The following RTN4R variants were observed in gnomAD, a reference collection of about 807,000 sequenced individuals.
RTN4R encodes the protein reticulon-4 receptor.
A neutral mutation model predicts 27.7 loss-of-function variants in RTN4R; 4 were observed. That is an observed-to-expected ratio of 0.14 (90% CI 0.07 to 0.33). The LOEUF (loss-of-function observed/expected upper bound fraction) is 0.33, where lower values mean the gene tolerates loss of function less well. RTN4R is among the 10% of genes least tolerant of loss of function. The probability of loss-of-function intolerance (pLI) is 1.00; values close to 1 mark genes in which losing one functional copy is unlikely to be tolerated. For synonymous variants in RTN4R, 290 were observed against 305.6 expected (o/e 0.95, Z 0.53); for missense variants, 554 against 671.5 (o/e 0.83, Z 1.93).
intron 1 of RTN4R, among the ~76,000 whole-genome samples, chr22:20,254,090 G>A (rs779042602): frequency 1.3e-5 from 2 of 152,042 alleles, no homozygotes; most frequent in Non-Finnish European, 2.9e-5. Context: ...GGCCCCCAGG[G>A]GTCAAGGGAA....
Position 20,242,355 on chromosome 22 carries a change from T to C in RTN4R, c.778A>G (p.Asn260Asp). ...GCCCGGCAGTCACACACCCAGGGGTTGTCGTTGAGCCTCAGGTACTGCAGG... is the reference window on the plus strand; with the variant it reads ...GCCCGGCAGTCACACACCCAGGGGTCGTCGTTGAGCCTCAGGTACTGCAGG... ...RALQYLRLND[N>D]PWVCDCRARP... Residue 260 changes from asparagine to aspartate, a missense_variant, in exon 2 of 2, where the codon AAC becomes GAC. By Grantham distance (23) the Asn-to-Asp change is conservative (BLOSUM62 1). Transcript: ENST00000043402. The C allele has an allele frequency of 6.2e-7, 1 of 1,612,584 alleles. No homozygotes were observed. Among genetic ancestry groups the C allele is most frequent in the African/African-American group, 1.3e-5 (1 of 75,030 alleles).
chr22:20,254,808 A>G lies in RTN4R; in HGVS notation c.23-11698T>C, dbSNP rs758325376. Among the ~76,000 whole-genome samples, 23 of 152,254 alleles carry G rather than the reference A, an allele frequency of 1.5e-4. 1 individual carries two copies. Among genetic ancestry groups the G allele is most frequent in the East Asian group, 3.9e-4 (2 of 5,184 alleles). On this transcript the variant is annotated intron_variant, in intron 1 of 1. Transcript: ENST00000043402. ...ATCCAGGGAAAAAAATGAGACCCCA[A>G]TAGAAGCCCTGATGTGGGGAAGAGT...
chr22:20,267,241 C>T (rs1486005251), intron 1 of RTN4R, among the ~76,000 whole-genome samples: 13 of 152,240 alleles, frequency 8.5e-5, no homozygotes, highest in Admixed American at 8.5e-4. Context: ...GACAAGTGCA[C>T]GTGCAAGGAA....
At chr22:20,263,689 C>T (rs574115563) in intron 1 of RTN4R, among the ~76,000 whole-genome samples, 1 of 152,368 alleles carries the variant, frequency 6.6e-6, no homozygotes, top group Non-Finnish European at 1.5e-5. Flanking sequence ...CTGTGTAGAC[C>T]TACATGGGGA....
chr22:20,259,547 GC>G (rs1379053736), intron 1 of RTN4R, among the ~76,000 whole-genome samples: 2 of 152,100 alleles, frequency 1.3e-5, no homozygotes, highest in Non-Finnish European at 2.9e-5. Context: ...CGCAGCCTCT[GC>G]CCCTCCCTCC....
In RTN4R at chr22:20,268,150, T is replaced by G; in HGVS notation, c.-58A>C. 1 of 961,032 alleles carries G rather than the reference T, an allele frequency of 1.0e-6. No homozygotes were observed. The highest frequency in any genetic ancestry group is 1.3e-6 in the Non-Finnish European group (1 of 787,954). The allele number at this position is 961,032 out of a possible 1,614,324, so 59.5% of individuals were successfully genotyped here. A position where few individuals can be genotyped will look rare whatever the true frequency, so the allele number is the denominator to read the frequency against. ...AAAGTCGTTTCGGGGCGGGCGCCCG[T>G]CTCCCCGCGGCCGGGTCCGCATCCA... On this transcript the variant is annotated 5_prime_UTR_variant, in exon 1 of 2. Coordinates refer to ENST00000043402, the MANE Select transcript of RTN4R (RefSeq NM_023004.6).
chr22:20,259,195 A>G (rs2051230128), intron 1 of RTN4R, among the ~76,000 whole-genome samples: 2 of 152,142 alleles, frequency 1.3e-5, no homozygotes. Flanking sequence ...ACCCCAGGGG[A>G]CCGGCCTCCG....
At chr22:20,267,687 A>C (rs1602655117) in intron 1 of RTN4R, 1 of 457,560 alleles carries the variant, frequency 2.2e-6, no homozygotes, top group East Asian at 7.7e-5. Flanking sequence ...CACCCTCGGT[A>C]CCCACGTTTC....
chr22:20,267,999 C>A, intron 1 of RTN4R, 72 bp downstream of exon 1: 1 of 941,564 alleles, frequency 1.1e-6, no homozygotes, highest in Non-Finnish European at 1.3e-6. Flanking sequence ...CCCTGCGGCT[C>A]CGGGGAGGGG....
Position 20,242,559 on chromosome 22 carries a change from T to A in RTN4R, c.574A>T (p.Ser192Cys). 2 of 1,613,446 alleles carry A rather than the reference T, an allele frequency of 1.2e-6. No individual in the cohort carries two copies. Among genetic ancestry groups the A allele is most frequent in the South Asian group, 1.1e-5 (1 of 91,078 alleles). The change falls in exon 2 of 2, where the codon AGC (serine) becomes TGC (cysteine). Residue 192 changes from serine to cysteine, a missense_variant. Around this residue, in one of 2 missense-constraint regions of RTN4R, gnomAD observed 413 missense variants for 542.3 expected, o/e 0.76. Coordinates refer to ENST00000043402, the MANE Select transcript of RTN4R (RefSeq NM_023004.6). ...HLFLHGNRIS[S>C]VPERAFRGLH... Reference sequence around the variant, plus strand: ...CCACGGAAGGCGCGCTCGGGCACGCTGGAGATGCGGTTGCCGTGCAGGAAG... The same window carrying A: ...CCACGGAAGGCGCGCTCGGGCACGCAGGAGATGCGGTTGCCGTGCAGGAAG...
intron 1 of RTN4R, among the ~76,000 whole-genome samples, chr22:20,267,017 T>C (rs9617867): frequency 6.6e-6 from 1 of 150,710 alleles, no homozygotes; most frequent in Admixed American, 6.6e-5. Flanking sequence ...GCGGGAGTGG[T>C]TATTGCGAAA....
At chr22:20,267,141 C>T (rs1180741796) in intron 1 of RTN4R, among the ~76,000 whole-genome samples, 2 of 152,260 alleles carry the variant, frequency 1.3e-5, no homozygotes, top group African/African-American at 2.4e-5. Flanking sequence ...CCTCAGAGTC[C>T]GTGTGTGCAC....
At chr22:20,267,263 G>C (rs568985638) in intron 1 of RTN4R, among the ~76,000 whole-genome samples, 63 of 152,386 alleles carry the variant, frequency 4.1e-4, no homozygotes, top group African/African-American at 1.4e-3. Context: ...CGTGTGTGCA[G>C]CCTGCGGCAC....
chr22:20,262,463 C>T (rs1250696368), intron 1 of RTN4R, among the ~76,000 whole-genome samples: 2 of 152,162 alleles, frequency 1.3e-5, no homozygotes, highest in Non-Finnish European at 2.9e-5. Flanking sequence ...GGACATGTAA[C>T]TGGGGACTGT....
chr22:20,251,745 T>C (rs1339112987), intron 1 of RTN4R, among the ~76,000 whole-genome samples: 64 of 60,092 alleles, frequency 1.1e-3, no homozygotes, highest in African/African-American at 2.1e-3. Flanking sequence ...TCACCATCAC[T>C]ATCACCACCA....
intron 1 of RTN4R, among the ~76,000 whole-genome samples, chr22:20,247,747 G>A (rs900067440): frequency 1.3e-5 from 2 of 152,162 alleles, no homozygotes; most frequent in Non-Finnish European, 2.9e-5. Context: ...GATCTTGGCT[G>A]CAGGGGCAGG....
At chr22:20,248,530 G>T (rs1345123157) in intron 1 of RTN4R, among the ~76,000 whole-genome samples, 1 of 152,222 alleles carries the variant, frequency 6.6e-6, no homozygotes, top group Non-Finnish European at 1.5e-5. Context: ...GCCACACCGT[G>T]CAGGATCATC....
chr22:20,264,012 G>A (rs926786911), intron 1 of RTN4R, among the ~76,000 whole-genome samples: 13 of 10,226 alleles, frequency 1.3e-3, no homozygotes, highest in Admixed American at 6.0e-3. Flanking sequence ...CCAGCCCACG[G>A]TTGTCAAAGC....
Position 20,245,953 on chromosome 22 carries a change from C to T in RTN4R, c.23-2843G>A, listed in dbSNP as rs2051138501. Among the ~76,000 whole-genome samples the T allele has an allele frequency of 4.6e-5, 7 of 152,350 alleles. No homozygotes were observed. In the South Asian group the frequency reaches 1.4e-3, roughly 32 times the overall value. On this transcript the variant is annotated intron_variant, in intron 1 of 1. Transcript: ENST00000043402. ...TCCCCACCCAGGTTGGCCCTGCGGC[C>T]ACCTGAGCCTGCGAGGGCCCCAGAG...
Sources: gnomAD v4.1 joint callset for allele counts (sites outside exome capture counted in the v4.1 genomes callset) on GRCh38, gnomAD v4.1.1 for gene constraint, gnomAD v4.1.1 regional missense constraint, MANE v1.5 for transcripts, NCBI Gene and HGNC (gene_info 2026-07-23, HGNC 2026-07-21) for gene names.